The following PLCE1 variants were observed in gnomAD, a reference collection of about 807,000 sequenced individuals.
PLCE1 encodes 1-phosphatidylinositol 4,5-bisphosphate phosphodiesterase epsilon-1.
A neutral mutation model predicts 242.8 loss-of-function variants in PLCE1; 119 were observed. That is an observed-to-expected ratio of 0.49 (90% CI 0.42 to 0.57). The LOEUF (loss-of-function observed/expected upper bound fraction) is 0.57. Among genes scored for constraint, PLCE1 ranks in the 20% least tolerant of loss-of-function variants. The probability of loss-of-function intolerance (pLI) is 0.00; values close to 1 mark genes in which losing one functional copy is unlikely to be tolerated. For missense variants in PLCE1, 2,441 were observed against 2,788.8 expected (o/e 0.88, Z 2.81); for synonymous variants, 945 against 1,017.4 (o/e 0.93, Z 1.35).
chr10:94,132,323 G>A lies in PLCE1; in HGVS notation c.1356G>A (p.Glu452=), dbSNP rs774217711. The A allele has an allele frequency of 5.6e-6, 9 of 1,613,994 alleles. No homozygotes were observed. The highest frequency in any genetic ancestry group is 1.1e-5 in the South Asian group (1 of 91,052). Residue 452 remains glutamate (E), a synonymous_variant, in exon 3 of 33, where the codon GAG becomes GAA. Transcript: ENST00000371380. ...LKQCVRDTVC[E]YRATLQRTSI... ...AATGTGTCCGAGACACTGTATGTGA[G>A]TATCGCGCCACCCTCCAAAGGACTT...
intron 2 of PLCE1, among the ~76,000 whole-genome samples, chr10:94,091,471 G>T (rs2045070695): frequency 6.6e-6 from 1 of 152,176 alleles, no homozygotes; most frequent in Admixed American, 6.5e-5. Flanking sequence ...GTGAGGAGTA[G>T]ATTGAGAGGG....
At chr10:94,289,370 G>A (rs2052569959) in intron 22 of PLCE1, among the ~76,000 whole-genome samples, 1 of 152,178 alleles carries the variant, frequency 6.6e-6, no homozygotes, top group Non-Finnish European at 1.5e-5. Context: ...ATCCTCTGAT[G>A]TCTCTGGGAG....
chr10:94,075,337 T>C (rs1589965289), intron 2 of PLCE1, among the ~76,000 whole-genome samples: 1 of 152,238 alleles, frequency 6.6e-6, no homozygotes, highest in African/African-American at 2.4e-5. Flanking sequence ...TTCCAAATGA[T>C]TGACATCAAT....
Position 94,298,517 on chromosome 10 carries a change from G to A in PLCE1, c.5306G>A (p.Cys1769Tyr). The change falls in exon 24 of 33, where the codon TGT becomes TAT. Residue 1769 changes from cysteine to tyrosine, a missense_variant. By Grantham distance (194) the Cys-to-Tyr change is radical (BLOSUM62 -2). This residue lies in a region of PLCE1 where 1,004 missense variants were observed against 1,322.7 expected (regional missense o/e 0.76). Coordinates refer to ENST00000371380, the MANE Select transcript of PLCE1 (RefSeq NM_016341.4). This position sits in a 1 kb window ranked among gnomAD's most constrained non-coding sequence, Gnocchi z 5.2. ...SLNENAAKRL[C>Y]RRYSQKLTQH... ...AATGAAAATGCCGCCAAACGTCTGTGTCGCAGGTATTCTCAGAAACTGACC... is the reference window on the plus strand; with the variant it reads ...AATGAAAATGCCGCCAAACGTCTGTATCGCAGGTATTCTCAGAAACTGACC... 6.2e-7 allele frequency: 1 copy of A among 1,614,008 alleles called. No individual in the cohort carries two copies. The highest frequency in any genetic ancestry group is 8.5e-7 in the Non-Finnish European group (1 of 1,179,990).
chr10:94,123,064 A>T (rs749175520), intron 2 of PLCE1, among the ~76,000 whole-genome samples: 6 of 152,208 alleles, frequency 3.9e-5, no homozygotes, highest in Non-Finnish European at 8.8e-5. Context: ...CCAGTGGGGA[A>T]ATAGTAGGAG....
chr10:94,189,812 A>T (rs983369156), intron 4 of PLCE1, among the ~76,000 whole-genome samples: 3 of 152,192 alleles, frequency 2.0e-5, no homozygotes, highest in Admixed American at 2.0e-4. Context: ...AGCACCCATG[A>T]CATCATTTTG....
intron 3 of PLCE1, among the ~76,000 whole-genome samples, chr10:94,140,198 T>C (rs2046909817): frequency 6.6e-6 from 1 of 152,050 alleles, no homozygotes; most frequent in African/African-American, 2.4e-5. Context: ...AAATAGAATA[T>C]TGATATGAAA....
At position 94,329,816 on chromosome 10, in the gene PLCE1, A is replaced by G. The variant is rs566636218; in HGVS notation, c.*1873A>G. On this transcript the variant is annotated 3_prime_UTR_variant, in exon 33 of 33. Coordinates refer to ENST00000371380, the MANE Select transcript of PLCE1 (RefSeq NM_016341.4). ...AAAAAAAAAAAAAAAAAAAAACACC[A>G]TACAGCTTTCATGTCATTGAAAGTT... 6.9e-6 allele frequency: 1 copy of G among 145,516 alleles called. No homozygotes were observed. The highest frequency in any genetic ancestry group is 2.1e-4 in the East Asian group (1 of 4,878). The allele number at this position is 145,516 out of a possible 1,614,324, so 9.0% of individuals were successfully genotyped here.
At position 94,313,313 on chromosome 10, in the gene PLCE1, C is replaced by T. The variant is rs1268188479; in HGVS notation, c.6063C>T (p.Val2021=). ...LQTHRVTVHG[V]PGPEPFTVFT... is the part of the protein sequence containing the mutation. Reference sequence around the variant, plus strand: ...CTCACAGAGTCACGGTGCATGGGGTCCCAGGGCCAGAGCCCTTTACCGTTT... The same window carrying T: ...CTCACAGAGTCACGGTGCATGGGGTTCCAGGGCCAGAGCCCTTTACCGTTT... Residue 2021 remains valine (V), a synonymous_variant, in exon 28 of 33, where the codon GTC becomes GTT. Transcript: ENST00000371380. 1.2e-6 allele frequency: 2 copies of T among 1,614,020 alleles called. No homozygotes were observed. The highest frequency in any genetic ancestry group is 1.7e-6 in the Non-Finnish European group (2 of 1,179,942).
chr10:94,088,490 A>G (rs566781001), intron 2 of PLCE1, among the ~76,000 whole-genome samples: 90 of 152,344 alleles, frequency 5.9e-4, no homozygotes, highest in Non-Finnish European at 8.8e-4. Flanking sequence ...ACAAGATCCT[A>G]AAGTAATCAA....
At chr10:94,194,127 C>A (rs1261733133) in intron 4 of PLCE1, among the ~76,000 whole-genome samples, 1 of 152,080 alleles carries the variant, frequency 6.6e-6, no homozygotes, top group Non-Finnish European at 1.5e-5. Flanking sequence ...GGCAAGATGC[C>A]TATTAGGGAG....
intron 4 of PLCE1, among the ~76,000 whole-genome samples, chr10:94,198,082 A>G (rs1361607686): frequency 6.6e-6 from 1 of 152,038 alleles, no homozygotes; most frequent in Admixed American, 6.6e-5. Flanking sequence ...CCAAAAAAAA[A>G]AAAGATATAA....
At chr10:94,024,046 G>C (rs1311259843) in intron 1 of PLCE1, among the ~76,000 whole-genome samples, 1 of 152,122 alleles carries the variant, frequency 6.6e-6, no homozygotes, top group Non-Finnish European at 1.5e-5. Context: ...TTCGGGAGAA[G>C]AAAAAGTAAA....
chr10:94,080,624 A>G (rs1408520014), intron 2 of PLCE1, among the ~76,000 whole-genome samples: 1 of 152,142 alleles, frequency 6.6e-6, no homozygotes, highest in Non-Finnish European at 1.5e-5. Context: ...GTGTTTCCTC[A>G]CATCATTCAC....
chr10:94,081,089 A>G (rs1455261042), intron 2 of PLCE1, among the ~76,000 whole-genome samples: 1 of 152,190 alleles, frequency 6.6e-6, no homozygotes, highest in Non-Finnish European at 1.5e-5. Context: ...TAAATATTTA[A>G]CTGATTTCTA....
chr10:94,325,011 T>C lies in PLCE1; in HGVS notation c.6840T>C (p.Ser2280=). 1 of 1,614,158 alleles carries C rather than the reference T, an allele frequency of 6.2e-7. No individual in the cohort carries two copies. ...CTTCTCAGCTCTTGACCTCAGAAAG[T>C]ATCCAAACCAAGGAGGAGAAACCTG... The part of the protein sequence containing the change: ...TSPSQLLTSE[S]IQTKEEKPVG... Residue 2280 remains serine, a synonymous_variant, in exon 32 of 33, where the codon AGT becomes AGC. Coordinates refer to ENST00000371380, the MANE Select transcript of PLCE1 (RefSeq NM_016341.4).
chr10:94,166,616 A>C (rs570966324), intron 3 of PLCE1, among the ~76,000 whole-genome samples: 1 of 131,846 alleles, frequency 7.6e-6, no homozygotes, highest in South Asian at 2.1e-4. Context: ...GTGTGTGTAG[A>C]AATATGTCTC....
At chr10:94,214,191 G>C (rs1248464688) in intron 4 of PLCE1, among the ~76,000 whole-genome samples, 1 of 152,200 alleles carries the variant, frequency 6.6e-6, no homozygotes, top group South Asian at 2.1e-4. Flanking sequence ...CCAACTCCAT[G>C]TTGGTGCTGC....
At chr10:94,235,313 C>T (rs971388218) in intron 6 of PLCE1, among the ~76,000 whole-genome samples, 9 of 152,084 alleles carry the variant, frequency 5.9e-5, no homozygotes, top group African/African-American at 2.2e-4. Context: ...ACTCCCGGGC[C>T]ACACCCCCTA....
Sources: gnomAD v4.1 joint callset for allele counts (sites outside exome capture counted in the v4.1 genomes callset) on GRCh38, gnomAD v4.1.1 for gene constraint, gnomAD v4.1.1 regional missense constraint, Gnocchi (gnomAD v3.1) non-coding constraint, MANE v1.5 for transcripts, NCBI Gene and HGNC (gene_info 2026-07-23, HGNC 2026-07-21) for gene names.